Variants in ARPIN observed in about 807,000 individuals in gnomAD.
ARPIN encodes the protein actin related protein 2/3 complex inhibitor.
ARPIN carries 23 observed loss-of-function variants against 25.9 expected under a neutral mutation model. The ratio of observed to expected loss-of-function variants is 0.89; its 90% CI spans 0.64 to 1.26. The LOEUF is 1.26. ARPIN is among the 50% of genes most tolerant of loss of function. ARPIN has a pLI of 0.00. For missense variants in ARPIN, 333 were observed against 312.2 expected (o/e 1.07, Z -0.50); for synonymous variants, 126 against 131.4 (o/e 0.96, Z 0.28).
At chr15:89,904,731 C>G (rs1224217767) in intron 3 of ARPIN, among the ~76,000 whole-genome samples, 1 of 152,240 alleles carries the variant, frequency 6.6e-6, no homozygotes, top group Non-Finnish European at 1.5e-5. Flanking sequence ...GAGCTTGTCC[C>G]ACAGGCTGCC....
At chr15:89,909,376 C>T (rs1645162845) in intron 2 of ARPIN, among the ~76,000 whole-genome samples, 1 of 152,142 alleles carries the variant, frequency 6.6e-6, no homozygotes, top group Non-Finnish European at 1.5e-5. Context: ...GGGAGGTCTG[C>T]CAACTGTGGG....
intron 4 of ARPIN, 63 bp downstream of exon 4, chr15:89,903,714 A>T (rs1897065276): frequency 6.3e-7 from 1 of 1,591,876 alleles, no homozygotes; most frequent in African/African-American, 1.3e-5. Flanking sequence ...GGCAGAAGGG[A>T]GGCCAAGAGC....
chr15:89,903,940 C>G lies in ARPIN; in HGVS notation c.345G>C (p.Ala115=). The G allele has an allele frequency of 6.2e-7, 1 of 1,611,500 alleles. No individual in the cohort carries two copies. Among genetic ancestry groups the G allele is most frequent in the Non-Finnish European group, 8.5e-7 (1 of 1,179,950 alleles). The change falls in exon 4 of 6, where the codon GCG becomes GCC. Residue 115 remains alanine (A), a synonymous_variant. Coordinates refer to ENST00000357484, the MANE Select transcript of ARPIN (RefSeq NM_182616.4). ...KGDTDRLTPE[A]LKGLVNKPEL... ...CTGGCTTGTTGACCAGCCCCTTCAG[C>G]GCCTCGGGCGTGAGCCTGTCAGTGT...
At chr15:89,912,659 C>CCCCTTTGG in intron 1 of ARPIN, 85 bp downstream of exon 1, 2 of 1,161,510 alleles carry the variant, frequency 1.7e-6, no homozygotes, top group Middle Eastern at 3.8e-4. Context: ...TTCCCCCACC[C>CCCCTTTGG]GCATCCCACC....
intron 5 of ARPIN, among the ~76,000 whole-genome samples, chr15:89,902,565 G>A (rs577385277): frequency 5.5e-4 from 83 of 152,062 alleles, no homozygotes; most frequent in Middle Eastern, 3.4e-3. Context: ...TTAGCCAGGC[G>A]TGGTGATGCA....
Position 89,912,849 on chromosome 15 carries a change from C to T in ARPIN, c.-14G>A, listed in dbSNP as rs1897251693. ...GATGCGGCTCATTCTCCCGACCGCCCGGGCACCCCGGCACAGAGCCGGCGC... is the reference window on the plus strand; with the variant it reads ...GATGCGGCTCATTCTCCCGACCGCCTGGGCACCCCGGCACAGAGCCGGCGC... On this transcript the variant is annotated 5_prime_UTR_variant, in exon 1 of 6. Coordinates refer to ENST00000357484, the MANE Select transcript of ARPIN (RefSeq NM_182616.4). 6 of 1,516,670 alleles carry T rather than the reference C, an allele frequency of 4.0e-6. No individual in the cohort carries two copies. Among genetic ancestry groups the T allele is most frequent in the Non-Finnish European group, 4.4e-6 (5 of 1,136,286 alleles). 94.0% of individuals were successfully genotyped at this position (1,516,670 alleles called of 1,614,324 possible). A position where few individuals can be genotyped will look rare whatever the true frequency, so the allele number is the denominator to read the frequency against.
At chr15:89,907,249 G>A (rs1197477830) in intron 3 of ARPIN, among the ~76,000 whole-genome samples, 1 of 151,772 alleles carries the variant, frequency 6.6e-6, no homozygotes, top group Non-Finnish European at 1.5e-5. Flanking sequence ...TGTATTTTTA[G>A]TAGAGCTGGG....
intron 5 of ARPIN, chr15:89,902,868 C>T: frequency 8.3e-7 from 1 of 1,207,112 alleles, no homozygotes; most frequent in Non-Finnish European, 1.0e-6. Context: ...ACTACGCATT[C>T]AGTTGTTCAA....
In ARPIN at chr15:89,897,594, A is replaced by G. The variant is rs1256985308; in HGVS notation, c.*4201T>C. On this transcript the variant is annotated 3_prime_UTR_variant, in exon 6 of 6. Coordinates refer to ENST00000357484, the MANE Select transcript of ARPIN (RefSeq NM_182616.4). ...TACCTACAAGCATTACAGATGTTTC[A>G]GAATTTGTCTAGCAGGTTTTCCAGT... 6.6e-6 allele frequency: 1 copy of G among 152,262 alleles called. No individual in the cohort carries two copies. Among genetic ancestry groups the G allele is most frequent in the Non-Finnish European group, 1.5e-5 (1 of 68,044 alleles). The allele number at this position is 152,262 out of a possible 1,614,324, so 9.4% of individuals were successfully genotyped here. A position where few individuals can be genotyped will look rare whatever the true frequency, so the allele number is the denominator to read the frequency against.
At chr15:89,907,725 GACTAT>G (rs1455401156) in intron 3 of ARPIN, among the ~76,000 whole-genome samples, 2 of 152,296 alleles carry the variant, frequency 1.3e-5, no homozygotes, top group Admixed American at 6.5e-5. Context: ...ATCACTTGAA[GACTAT>G]AGTGTGCTAT....
At chr15:89,910,127 C>T (rs1897197089) in intron 2 of ARPIN, among the ~76,000 whole-genome samples, 1 of 152,132 alleles carries the variant, frequency 6.6e-6, no homozygotes, top group Non-Finnish European at 1.5e-5. Context: ...TCATGGGGTA[C>T]AGGAGGGACA....
chr15:89,911,561 A>G lies in ARPIN; in HGVS notation c.93-742T>C, dbSNP rs145090973. 7.2e-5 allele frequency among the ~76,000 whole-genome samples: 11 copies of G among 152,258 alleles called. No homozygotes were observed. The East Asian group carries it at 2.1e-3, about 29-fold the overall frequency. ...GGAGTGGGAAGTGAAAACTCTACCT[A>G]GCTGGTCTCTATCCAATTCTTCCCC... On this transcript the variant is annotated intron_variant, in intron 1 of 5. Transcript: ENST00000357484.
In ARPIN at chr15:89,897,982, C is replaced by T. The variant is rs1404078058; in HGVS notation, c.*3813G>A. ...TCGTGGTGGCGCAGGCCTGTAATCC[C>T]AGCTACTTGGGATTACAGTAATCCT... On this transcript the variant is annotated 3_prime_UTR_variant, in exon 6 of 6. Coordinates refer to ENST00000357484, the MANE Select transcript of ARPIN (RefSeq NM_182616.4). 2 of 151,944 alleles carry T rather than the reference C, an allele frequency of 1.3e-5. No individual in the cohort carries two copies. Among genetic ancestry groups the T allele is most frequent in the South Asian group, 2.1e-4 (1 of 4,814 alleles). The allele number at this position is 151,944 out of a possible 1,614,324, so 9.4% of individuals were successfully genotyped here.
rs1897073916 is a variant in ARPIN at position 89,903,974 on chromosome 15, G to A, written c.311C>T (p.Ala104Val). Residue 104 changes from alanine (A) to valine (V), a missense_variant, in exon 4 of 6, where the codon GCC becomes GTC. Ala to Val is a moderately conservative substitution (Grantham distance 64, BLOSUM62 0). Transcript: ENST00000357484. ...CGTGAGCCTGTCAGTGTCCCCCTTG[G>A]CTTCCACCTCTGCAGGCACAGAGCG... ...GFLMSSYKVE[A>V]KGDTDRLTPE... 3 of 1,605,842 alleles carry A rather than the reference G, an allele frequency of 1.9e-6. No individual in the cohort carries two copies. In the East Asian group the frequency reaches 6.7e-5, roughly 36 times the overall value.
chr15:89,903,761 G>A lies in ARPIN; in HGVS notation c.508+16C>T. On this transcript the variant is annotated intron_variant, in intron 4 of 5. Coordinates refer to ENST00000357484, the MANE Select transcript of ARPIN (RefSeq NM_182616.4). ...ACACAGGAACAGTGGGCCACAGTGA[G>A]GGTTGCATTGCTCACCCAGGAAGGG... 3.1e-6 allele frequency: 5 copies of A among 1,613,852 alleles called. No individual in the cohort carries two copies. The highest frequency in any genetic ancestry group is 4.2e-6 in the Non-Finnish European group (5 of 1,179,836).
At chr15:89,912,291 A>C in intron 1 of ARPIN, 2 of 995,254 alleles carry the variant, frequency 2.0e-6, no homozygotes, top group Non-Finnish European at 2.4e-6. Flanking sequence ...CTGGCCCTCC[A>C]AATCCTCCTC....
At chr15:89,905,557 G>A (rs1421429115) in intron 3 of ARPIN, among the ~76,000 whole-genome samples, 1 of 152,022 alleles carries the variant, frequency 6.6e-6, no homozygotes, top group Non-Finnish European at 1.5e-5. Flanking sequence ...AGAGTCACCG[G>A]TGAGCTCTTA....
At position 89,903,980 on chromosome 15, in the gene ARPIN, A is replaced by C. The variant is rs1596233549; in HGVS notation, c.305T>G (p.Val102Gly). The C allele has an allele frequency of 6.2e-7, 1 of 1,604,444 alleles. No individual in the cohort carries two copies. The highest frequency in any genetic ancestry group is 8.5e-7 in the Non-Finnish European group (1 of 1,178,376). Residue 102 changes from valine to glycine, a missense_variant, in exon 4 of 6, where the codon GTG becomes GGG. Transcript: ENST00000357484. ...NTGFLMSSYKVEAKGDTDRLT... is the reference protein window; with the variant it reads ...NTGFLMSSYKGEAKGDTDRLT... ...CCTGTCAGTGTCCCCCTTGGCTTCC[A>C]CCTCTGCAGGCACAGAGCGCAGGAG... is the stretch of plus-strand genomic sequence containing the variant.
rs571911912 is a variant in ARPIN at position 89,907,620 on chromosome 15, C to T, written c.301+660G>A. Among the ~76,000 whole-genome samples the T allele has an allele frequency of 2.9e-4, 44 of 152,224 alleles. 2 individuals carry two copies. The South Asian group carries it at 4.6e-3, about 16-fold the overall frequency. ...CTGGCACCCTGACCTTGGACTTCCC[C>T]GCCTCCAGAACTGTAAGCCAGACAT... On this transcript the variant is annotated intron_variant, in intron 3 of 5. Transcript: ENST00000357484.
Sources: allele counts gnomAD v4.1 joint callset (sites outside exome capture counted in the v4.1 genomes callset), GRCh38; gene constraint gnomAD v4.1.1; transcripts MANE v1.5; gene names NCBI Gene and HGNC (gene_info 2026-07-23, HGNC 2026-07-21).